The following LARP4B variants were observed in gnomAD, a reference collection of about 807,000 sequenced individuals.
LARP4B encodes the protein la-related protein 4B.
LARP4B carries 12 observed loss-of-function variants against 89.8 expected under a neutral mutation model. That is an observed-to-expected ratio of 0.13 (90% CI 0.09 to 0.22). The LOEUF (loss-of-function observed/expected upper bound fraction) is 0.22, where lower values mean the gene tolerates loss of function less well. Ranked by LOEUF, LARP4B falls within the 10% of genes least tolerant of loss-of-function variation. The pLI is 1.00. For synonymous variants in LARP4B, 367 were observed against 363.3 expected (o/e 1.01, Z -0.12); for missense variants, 757 against 947.7 (o/e 0.80, Z 2.64).
chr10:937,637 G>A, the LARP4B span, among the ~76,000 whole-genome samples: 436 of 151,976 alleles, frequency 2.9e-3, no homozygotes, highest in African/African-American at 9.3e-3. Context: ...ATGGTATTCC[G>A]GCTAAAATTC....
At chr10:980,429 C>A in the LARP4B span, among the ~76,000 whole-genome samples, 1 of 152,244 alleles carries the variant, frequency 6.6e-6, no homozygotes, top group Non-Finnish European at 1.5e-5. Flanking sequence ...TCTGTGAGGG[C>A]TCTCTCCCTG....
chr10:910,035 T>G (rs1836624428), intron 1 of LARP4B, among the ~76,000 whole-genome samples: 1 of 152,190 alleles, frequency 6.6e-6, no homozygotes, highest in Non-Finnish European at 1.5e-5. Flanking sequence ...GTGGGACTTC[T>G]GTCATGCCTC....
At chr10:868,432 T>C (rs1018001331) in intron 3 of LARP4B, among the ~76,000 whole-genome samples, 2 of 150,974 alleles carry the variant, frequency 1.3e-5, no homozygotes, top group African/African-American at 2.4e-5. Context: ...ATTGAAGCTC[T>C]GAAAGGCAAG....
At chr10:891,054 CTTTAT>C (rs941585501) in intron 1 of LARP4B, among the ~76,000 whole-genome samples, 1 of 151,888 alleles carries the variant, frequency 6.6e-6, no homozygotes, top group African/African-American at 2.4e-5. Flanking sequence ...TAAAATAACA[CTTTAT>C]TTAATACCTG....
intron 6 of LARP4B, among the ~76,000 whole-genome samples, 180 bp from the exon 7 acceptor site, chr10:843,248 C>T (rs1175134402): frequency 2.6e-5 from 4 of 152,150 alleles, no homozygotes; most frequent in African/African-American, 9.7e-5. Flanking sequence ...TTTGCAAAAT[C>T]TCGGCCTTGG....
Position 829,600 on chromosome 10 carries a change from T to C in LARP4B, c.916-6A>G, listed in dbSNP as rs1165851162. On this transcript the variant is annotated splice_polypyrimidine_tract_variant and splice_region_variant and intron_variant, in intron 10 of 17. Coordinates refer to ENST00000316157, the MANE Select transcript of LARP4B (RefSeq NM_015155.3). ...GCCTTTGCTTTTATCCGTGCCTGTT[T>C]GAAAATATGTAAGTTTCTATTAGAA... 1.9e-6 allele frequency: 3 copies of C among 1,613,390 alleles called. No individual in the cohort carries two copies. The African/African-American group carries it at 4.0e-5, about 22-fold the overall frequency.
chr10:961,174 A>G, the LARP4B span, among the ~76,000 whole-genome samples: 1 of 152,252 alleles, frequency 6.6e-6, no homozygotes, highest in Admixed American at 6.5e-5. Flanking sequence ...GAAGTTCTTC[A>G]GAGAAGGAAA....
intron 1 of LARP4B, among the ~76,000 whole-genome samples, chr10:906,792 C>T (rs1190158739): frequency 6.6e-6 from 1 of 152,190 alleles, no homozygotes; most frequent in Non-Finnish European, 1.5e-5. Flanking sequence ...GACTCAGGTG[C>T]CCAAGGCAGA....
In LARP4B at chr10:883,843, G is replaced by GA. The variant is rs199960816; in HGVS notation, c.141+603dup. On this transcript the variant is annotated intron_variant, in intron 3 of 17. Coordinates refer to ENST00000316157, the MANE Select transcript of LARP4B (RefSeq NM_015155.3). The stretch of plus-strand genomic sequence containing the variant: ...ACGTGAACTGCTTATAATGGGGGGG[G>GA]AATAGATGAGATTTATGGTAATTTT... Among the ~76,000 whole-genome samples the GA allele has an allele frequency of 3.3e-3, 492 of 151,338 alleles. 2 individuals are homozygous for GA. The highest frequency in any genetic ancestry group is 0.011 in the African/African-American group (473 of 41,408).
At chr10:837,634 A>C (rs1010702765) in intron 7 of LARP4B, among the ~76,000 whole-genome samples, 7 of 152,236 alleles carry the variant, frequency 4.6e-5, no homozygotes, top group African/African-American at 1.7e-4. Flanking sequence ...CACACGTTCC[A>C]GAGACCAACA....
At chr10:849,611 T>C (rs982020676) in intron 5 of LARP4B, among the ~76,000 whole-genome samples, 1 of 152,172 alleles carries the variant, frequency 6.6e-6, no homozygotes, top group Non-Finnish European at 1.5e-5. Context: ...CCCCAACTCC[T>C]TAAGTGTGGG....
chr10:928,084 T>C (rs1373597216), intron 1 of LARP4B, among the ~76,000 whole-genome samples: 1 of 150,852 alleles, frequency 6.6e-6, no homozygotes, highest in Admixed American at 6.6e-5. Context: ...TAGCCAGGTG[T>C]GGTGGAGGGC....
At chr10:876,962 C>G (rs1264509129) in intron 3 of LARP4B, among the ~76,000 whole-genome samples, 3 of 152,126 alleles carry the variant, frequency 2.0e-5, no homozygotes, top group Non-Finnish European at 2.9e-5. Context: ...TGACTTGTAC[C>G]TTCTGGAGCC....
intron 8 of LARP4B, among the ~76,000 whole-genome samples, chr10:831,276 CTTTTTTT>C (rs76857973): frequency 8.2e-6 from 1 of 121,930 alleles, no homozygotes; most frequent in Admixed American, 8.0e-5. Flanking sequence ...AACTGCACAA[CTTTTTTT>C]TTTTTTTTTT....
At chr10:968,795 T>C in the LARP4B span, among the ~76,000 whole-genome samples, 9 of 152,274 alleles carry the variant, frequency 5.9e-5, no homozygotes, top group African/African-American at 2.2e-4. Flanking sequence ...CCTTCGCGTA[T>C]GATGGCTTCC....
chr10:907,274 G>T (rs1293971808), intron 1 of LARP4B, among the ~76,000 whole-genome samples: 1 of 152,130 alleles, frequency 6.6e-6, no homozygotes, highest in Non-Finnish European at 1.5e-5. Flanking sequence ...CAACAAATGT[G>T]GGAAAAATTA....
At chr10:807,432 C>A (rs1217483666), downstream of LARP4B, 1 of 152,312 alleles carries the variant, frequency 6.6e-6, no homozygotes, top group Non-Finnish European at 1.5e-5. Context: ...TGGGCCCTCA[C>A]AGGCCCACGC....
intron 1 of LARP4B, among the ~76,000 whole-genome samples, chr10:894,995 G>A (rs1005846823): frequency 6.6e-6 from 1 of 152,054 alleles, no homozygotes; most frequent in African/African-American, 2.4e-5. Flanking sequence ...GACCAGCCTC[G>A]GGCAACACAG....
chr10:932,072 G>A (rs1321679481), upstream of LARP4B, among the ~76,000 whole-genome samples: 1 of 150,666 alleles, frequency 6.6e-6, no homozygotes, highest in African/African-American at 2.4e-5. Flanking sequence ...GCTGGGCCCT[G>A]GTCCTCCGCC....
Sources: allele counts gnomAD v4.1 joint callset (sites outside exome capture counted in the v4.1 genomes callset), GRCh38; gene constraint gnomAD v4.1.1; transcripts MANE v1.5; gene names NCBI Gene and HGNC (gene_info 2026-07-23, HGNC 2026-07-21).